Variants in EYA4 observed in about 807,000 individuals in gnomAD.
The protein encoded by EYA4 is EYA transcriptional coactivator and phosphatase 4, also known as protein phosphatase EYA4.
A neutral mutation model predicts 87.9 loss-of-function variants in EYA4; 31 were observed. The ratio of observed to expected loss-of-function variants is 0.35; its 90% CI spans 0.27 to 0.48. The LOEUF is 0.48. EYA4 is among the 20% of genes least tolerant of loss of function. EYA4 has a pLI of 0.99. For missense variants in EYA4, 678 were observed against 761.4 expected, an observed-to-expected ratio of 0.89 and a Z score of 1.29; for synonymous variants, 263 against 270.6, an observed-to-expected ratio of 0.97 and a Z score of 0.28.
chr6:133,353,778 T>C (rs192951667), intron 2 of EYA4, among the ~76,000 whole-genome samples: 61 of 152,262 alleles, frequency 4.0e-4, no homozygotes, highest in Non-Finnish European at 7.5e-4. Context: ...GTGGAGAGTA[T>C]TGCTAAAATA....
chr6:133,302,435 C>G (rs1322392746), intron 2 of EYA4, among the ~76,000 whole-genome samples: 2 of 152,068 alleles, frequency 1.3e-5, no homozygotes, highest in Non-Finnish European at 2.9e-5. Flanking sequence ...ATTCATAACA[C>G]TTTTGGCAGT....
rs948839741 is a variant in EYA4 at position 133,506,277 on chromosome 6, A to C, written c.1281+82A>C. The C allele has an allele frequency of 9.0e-6, 7 of 777,960 alleles. No individual in the cohort carries two copies. The Admixed American group carries it at 1.5e-4, about 17-fold the overall frequency. The allele number at this position is 777,960 out of a possible 1,614,324, so 48.2% of individuals were successfully genotyped here. On this transcript the variant is annotated intron_variant, in intron 14 of 19. Transcript: ENST00000355286. The stretch of plus-strand genomic sequence containing the variant: ...TTCTGTATCTGTAGATAACCTCGAG[A>C]AAACAGAAAGATAAAAATTCAGCTC...
chr6:133,276,984 T>G (rs1777231049), intron 2 of EYA4, among the ~76,000 whole-genome samples: 1 of 152,078 alleles, frequency 6.6e-6, no homozygotes, highest in African/African-American at 2.4e-5. Flanking sequence ...CTTTATATGA[T>G]TCTAAATTTT....
At chr6:133,473,032 T>A (rs1583382100) in intron 11 of EYA4, among the ~76,000 whole-genome samples, 1 of 152,062 alleles carries the variant, frequency 6.6e-6, no homozygotes, top group East Asian at 1.9e-4. Context: ...AGGAATTATA[T>A]AAATATATAA....
At chr6:133,402,951 C>T (rs1788390352) in intron 3 of EYA4, among the ~76,000 whole-genome samples, 1 of 152,162 alleles carries the variant, frequency 6.6e-6, no homozygotes, top group Admixed American at 6.5e-5. Context: ...TCAGCCCCTC[C>T]AGCACCCACT....
Position 133,422,440 on chromosome 6 carries a change from A to G in EYA4, c.84-24190A>G, listed in dbSNP as rs562989304. Among the ~76,000 whole-genome samples, 19 of 152,346 alleles carry G rather than the reference A, an allele frequency of 1.2e-4. No individual in the cohort carries two copies. The East Asian group carries it at 3.7e-3, about 29-fold the overall frequency. On this transcript the variant is annotated intron_variant, in intron 3 of 19. Coordinates refer to ENST00000355286, the MANE Select transcript of EYA4 (RefSeq NM_004100.5). The stretch of plus-strand genomic sequence containing the variant: ...TCTTTATATTTATTCCTATTAATAC[A>G]TGTAGCTCTAGCTCATTTATTATAA...
chr6:133,517,910 A>C lies in EYA4; in HGVS notation c.1616+2475A>C, dbSNP rs552757432. ...TGTTTCAGACGTTAGGCTGAAAATC[A>C]ATTAGATTTCTCCCTGTGTCTGGAA... is the stretch of plus-strand genomic sequence containing the variant. On this transcript the variant is annotated intron_variant, in intron 17 of 19. Transcript: ENST00000355286. 1.1e-3 allele frequency among the ~76,000 whole-genome samples: 170 copies of C among 152,316 alleles called. 1 individual carries two copies. The highest frequency in any genetic ancestry group is 4.0e-3 in the African/African-American group (166 of 41,572).
At chr6:133,378,630 A>G (rs1481670549) in intron 2 of EYA4, among the ~76,000 whole-genome samples, 2 of 152,078 alleles carry the variant, frequency 1.3e-5, no homozygotes, top group East Asian at 3.8e-4. Context: ...CTATATGGGA[A>G]CTGGGAAGAA....
In EYA4 at chr6:133,439,128, G is replaced by A. The variant is rs979118541; in HGVS notation, c.84-7502G>A. On this transcript the variant is annotated intron_variant, in intron 3 of 19. Transcript: ENST00000355286. Reference sequence around the variant, plus strand: ...AAGATAATGACTTTACGAGCATTTAGCATTGACTGTAATTAAGTCTGTTAT... The same window carrying A: ...AAGATAATGACTTTACGAGCATTTAACATTGACTGTAATTAAGTCTGTTAT... 4.0e-5 allele frequency among the ~76,000 whole-genome samples: 6 copies of A among 148,386 alleles called. No individual in the cohort carries two copies. The Admixed American group carries it at 4.1e-4, about 10-fold the overall frequency.
chr6:133,302,671 A>T (rs1296256541), intron 2 of EYA4, among the ~76,000 whole-genome samples: 2 of 152,222 alleles, frequency 1.3e-5, no homozygotes, highest in Non-Finnish European at 2.9e-5. Flanking sequence ...ATCAGCTTAC[A>T]CTAAGTCTCA....
At chr6:133,365,270 T>A (rs372537736) in intron 2 of EYA4, among the ~76,000 whole-genome samples, 95 of 152,316 alleles carry the variant, frequency 6.2e-4, no homozygotes, top group African/African-American at 2.1e-3. Context: ...CTAGCTACCA[T>A]GTTAGCTTGC....
Position 133,378,582 on chromosome 6 carries a change from A to G in EYA4, c.34-3810A>G, listed in dbSNP as rs543677244. ...TAGATCTGGAGTTGAAATTTGCTAC[A>G]TAACTTGCTTTCAGGTTGTTTCTGC... On this transcript the variant is annotated intron_variant, in intron 2 of 19. Transcript: ENST00000355286. Among the ~76,000 whole-genome samples the G allele has an allele frequency of 2.0e-5, 3 of 152,198 alleles. No homozygotes were observed. The East Asian group carries it at 5.8e-4, about 29-fold the overall frequency.
intron 2 of EYA4, among the ~76,000 whole-genome samples, chr6:133,330,938 T>G (rs1466082220): frequency 6.6e-6 from 1 of 151,882 alleles, no homozygotes; most frequent in Non-Finnish European, 1.5e-5. Context: ...TTTTTAAAAG[T>G]ACATTGACTT....
At chr6:133,499,827 G>C (rs1562491452) in intron 13 of EYA4, among the ~76,000 whole-genome samples, 1 of 151,820 alleles carries the variant, frequency 6.6e-6, no homozygotes, top group Non-Finnish European at 1.5e-5. Flanking sequence ...ATTATACTAA[G>C]CCACAGTTCT....
At chr6:133,423,240 G>A (rs1370203764) in intron 3 of EYA4, among the ~76,000 whole-genome samples, 1 of 152,144 alleles carries the variant, frequency 6.6e-6, no homozygotes, top group Admixed American at 6.5e-5. Flanking sequence ...TCAAATATCA[G>A]TATTTATGCA....
At chr6:133,334,332 G>A (rs142220426) in intron 2 of EYA4, among the ~76,000 whole-genome samples, 106 of 152,356 alleles carry the variant, frequency 7.0e-4, no homozygotes, top group African/African-American at 2.5e-3. Context: ...CCTGAGAGAA[G>A]AGAGTCAAAC....
intron 3 of EYA4, among the ~76,000 whole-genome samples, chr6:133,444,317 T>G (rs1393481137): frequency 2.6e-5 from 4 of 152,186 alleles, no homozygotes; most frequent in African/African-American, 9.7e-5. Context: ...TTGAGGCCTA[T>G]TTTGTGTGAT....
In EYA4 at chr6:133,530,100, A is replaced by T; in HGVS notation, c.*1295A>T. On this transcript the variant is annotated 3_prime_UTR_variant, in exon 20 of 20. Coordinates refer to ENST00000355286, the MANE Select transcript of EYA4 (RefSeq NM_004100.5). ...CAGATGGTGTCTAATGAAAGCAATG[A>T]GTCTATGAAAATTTTACCTAGAATA... 1.0e-6 allele frequency: 1 copy of T among 985,244 alleles called. No homozygotes were observed. The highest frequency in any genetic ancestry group is 1.2e-6 in the Non-Finnish European group (1 of 829,728). The allele number at this position is 985,244 out of a possible 1,614,324, so 61.0% of individuals were successfully genotyped here.
chr6:133,361,923 G>C (rs1483696948), intron 2 of EYA4, among the ~76,000 whole-genome samples: 1 of 152,190 alleles, frequency 6.6e-6, no homozygotes, highest in Non-Finnish European at 1.5e-5. Flanking sequence ...GTCAGCTTCA[G>C]ATCCACCCAT....
Sources: allele counts gnomAD v4.1 joint callset (sites outside exome capture counted in the v4.1 genomes callset), GRCh38; gene constraint gnomAD v4.1.1; transcripts MANE v1.5; gene names NCBI Gene and HGNC (gene_info 2026-07-23, HGNC 2026-07-21).